DLGAP2: variants seen among roughly 807,000 people sequenced by gnomAD.
The protein encoded by DLGAP2 is DLG associated protein 2.
A neutral mutation model predicts 100.3 loss-of-function variants in DLGAP2; 26 were observed. The observed-to-expected ratio is 0.26, with a 90% CI of 0.19 to 0.36. The LOEUF is 0.36. DLGAP2 is among the 10% of genes least tolerant of loss of function. DLGAP2 has a pLI of 1.00. For synonymous variants in DLGAP2, 886 were observed against 630.1 expected, an observed-to-expected ratio of 1.41 and a Z score of -6.08; for missense variants, 1,858 against 1,453.2, an observed-to-expected ratio of 1.28 and a Z score of -4.53.
chr8:816,210 A>G (rs138199154), intron 1 of DLGAP2, among the ~76,000 whole-genome samples: 3 of 150,718 alleles, frequency 2.0e-5, no homozygotes, highest in Non-Finnish European at 2.9e-5. Flanking sequence ...TTTACATTCA[A>G]TGTTAGTATT....
intron 2 of DLGAP2, among the ~76,000 whole-genome samples, chr8:1,255,265 G>A (rs1439463748): frequency 2.2e-5 from 2 of 89,586 alleles, no homozygotes; most frequent in Non-Finnish European, 3.9e-5. Flanking sequence ...CGGGTGCTGT[G>A]TGTGTGTCCT....
At chr8:1,501,083 C>A (rs1799706616) in intron 3 of DLGAP2, among the ~76,000 whole-genome samples, 1 of 151,860 alleles carries the variant, frequency 6.6e-6, no homozygotes, top group African/African-American at 2.4e-5. Context: ...TGAAGTTAGG[C>A]CAGAGTTAAA....
intron 3 of DLGAP2, among the ~76,000 whole-genome samples, chr8:1,292,573 T>G (rs1167378450): frequency 6.6e-6 from 1 of 152,256 alleles, no homozygotes; most frequent in Non-Finnish European, 1.5e-5. Context: ...TGGTATAATT[T>G]TATTTTAAAT....
chr8:998,672 T>C (rs560314764), intron 2 of DLGAP2, among the ~76,000 whole-genome samples: 1 of 152,314 alleles, frequency 6.6e-6, no homozygotes, highest in Non-Finnish European at 1.5e-5. Context: ...GCATGGGTCA[T>C]GAGGGTTTGC....
chr8:1,292,421 A>C (rs1800078991), intron 3 of DLGAP2, among the ~76,000 whole-genome samples: 1 of 152,184 alleles, frequency 6.6e-6, no homozygotes, highest in South Asian at 2.1e-4. Context: ...GGAGGATGGG[A>C]CAGTGCGCTG....
intron 2 of DLGAP2, among the ~76,000 whole-genome samples, chr8:1,214,294 C>G (rs369571567): frequency 8.5e-5 from 13 of 152,354 alleles, no homozygotes; most frequent in African/African-American, 2.2e-4. Context: ...AGCTCCAGGA[C>G]AAAAGCTCAC....
intron 2 of DLGAP2, among the ~76,000 whole-genome samples, chr8:1,189,155 A>G (rs1797581343): frequency 7.0e-6 from 1 of 142,248 alleles, no homozygotes. Context: ...TTGAGCATAC[A>G]CAGGGTTCGG....
At chr8:1,637,341 T>A (rs1422734416) in intron 8 of DLGAP2, among the ~76,000 whole-genome samples, 1 of 152,034 alleles carries the variant, frequency 6.6e-6, no homozygotes, top group Non-Finnish European at 1.5e-5. Context: ...AACCAGAAGA[T>A]TCCTCCAAAC....
intron 2 of DLGAP2, among the ~76,000 whole-genome samples, chr8:1,041,920 C>T (rs1057015752): frequency 3.3e-5 from 5 of 152,356 alleles, no homozygotes; most frequent in African/African-American, 9.6e-5. Context: ...AGTGCCTGCT[C>T]TTCTCTTGGA....
At chr8:1,514,815 G>C (rs1239691845) in intron 4 of DLGAP2, among the ~76,000 whole-genome samples, 1 of 152,248 alleles carries the variant, frequency 6.6e-6, no homozygotes, top group Non-Finnish European at 1.5e-5. Context: ...AGGCCGGCCT[G>C]AGTCCGGAGG....
At chr8:1,004,517 C>A (rs796263718) in intron 2 of DLGAP2, among the ~76,000 whole-genome samples, 13 of 152,284 alleles carry the variant, frequency 8.5e-5, no homozygotes, top group African/African-American at 3.1e-4. Flanking sequence ...GTTGGAAGTA[C>A]CTAAGTTGTC....
At chr8:1,675,452 A>G (rs186730148) in intron 10 of DLGAP2, among the ~76,000 whole-genome samples, 3 of 152,330 alleles carry the variant, frequency 2.0e-5, no homozygotes, top group Admixed American at 2.0e-4. Context: ...CAGGGTACGC[A>G]CCAAATAAGT....
At chr8:1,240,500 GCCGTGTCTAGTTCTCTCACATGGCA>G (rs1798763890) in intron 2 of DLGAP2, among the ~76,000 whole-genome samples, 5 of 138,220 alleles carry the variant, frequency 3.6e-5, no homozygotes, top group South Asian at 2.4e-4. Flanking sequence ...CTCACATGGC[GCCGTGTCTAGTTCTCTCACATGGCA>G]CCGTGTCTAG....
At chr8:1,105,163 A>T (rs1422521934) in intron 2 of DLGAP2, 2 of 152,250 alleles carry the variant, frequency 1.3e-5, no homozygotes, top group Admixed American at 1.3e-4. Context: ...TTTCGGAGTG[A>T]TGATGTGTCA....
At chr8:1,449,076 T>G (rs569530004) in intron 3 of DLGAP2, among the ~76,000 whole-genome samples, 25 of 152,292 alleles carry the variant, frequency 1.6e-4, no homozygotes, top group African/African-American at 4.8e-4. Flanking sequence ...AGAGCAGCTC[T>G]GGGAATGCCT....
At chr8:974,082 G>A (rs955005974) in intron 2 of DLGAP2, among the ~76,000 whole-genome samples, 1 of 152,078 alleles carries the variant, frequency 6.6e-6, no homozygotes, top group Non-Finnish European at 1.5e-5. Flanking sequence ...AAGAAAGAAA[G>A]AAAAGAAAAG....
chr8:1,171,769 A>G (rs998082342), intron 2 of DLGAP2, among the ~76,000 whole-genome samples: 71 of 151,774 alleles, frequency 4.7e-4, no homozygotes, highest in African/African-American at 1.6e-3. Flanking sequence ...TTTTGAGCCT[A>G]TATGTGTCTC....
intron 14 of DLGAP2, among the ~76,000 whole-genome samples, chr8:1,700,363 G>T (rs1426955497): frequency 6.6e-6 from 1 of 151,782 alleles, no homozygotes; most frequent in Non-Finnish European, 1.5e-5. Context: ...CCCTGTCATG[G>T]CTCTGTCCAG....
At chr8:1,298,194 G>A (rs556811528) in intron 3 of DLGAP2, among the ~76,000 whole-genome samples, 16 of 151,674 alleles carry the variant, frequency 1.1e-4, no homozygotes, top group Admixed American at 7.2e-4. Flanking sequence ...GTGCATGAAC[G>A]GACACCACGC....
Sources: gnomAD v4.1 joint callset for allele counts (sites outside exome capture counted in the v4.1 genomes callset) on GRCh38, gnomAD v4.1.1 for gene constraint, MANE v1.5 for transcripts, NCBI Gene and HGNC (gene_info 2026-07-23, HGNC 2026-07-21) for gene names.